Variants in BIRC6 observed in about 807,000 individuals in gnomAD.
BIRC6 encodes baculoviral IAP repeat containing 6, also known as dual E2 ubiquitin-conjugating enzyme/E3 ubiquitin-protein ligase BIRC6.
A neutral mutation model predicts 503.3 loss-of-function variants in BIRC6; 98 were observed. That is an observed-to-expected ratio of 0.19 (90% CI 0.17 to 0.23). The LOEUF is 0.23. Ranked by LOEUF, BIRC6 falls within the 10% of genes least tolerant of loss-of-function variation. The pLI, the probability that BIRC6 is intolerant of heterozygous loss-of-function variation, is 1.00. For missense variants in BIRC6, 5,360 were observed against 5,806.0 expected (o/e 0.92, Z 2.50); for synonymous variants, 2,240 against 2,078.7 (o/e 1.08, Z -2.11).
intron 53 of BIRC6, among the ~76,000 whole-genome samples, chr2:32,512,097 C>G (rs181957406): frequency 2.6e-5 from 4 of 152,234 alleles, no homozygotes; most frequent in African/African-American, 9.6e-5. Context: ...TTATATAAAA[C>G]TGACATTAAT....
At chr2:32,534,042 C>T (rs2056993294) in intron 61 of BIRC6, among the ~76,000 whole-genome samples, 1 of 152,026 alleles carries the variant, frequency 6.6e-6, no homozygotes, top group Admixed American at 6.6e-5. Context: ...ATTAAGGATA[C>T]TGTTAGGTGT....
chr2:32,464,880 A>G, intron 25 of BIRC6, 57 bp downstream of exon 25: 1 of 1,531,026 alleles, frequency 6.5e-7, no homozygotes, highest in Non-Finnish European at 8.8e-7. Context: ...CTTGAAATAT[A>G]CTCTAACTTT....
rs1002354452 is a variant in BIRC6, at chr2:32,617,837, A to G, written c.14507A>G (p.Glu4836Gly). 1.2e-6 allele frequency: 2 copies of G among 1,613,968 alleles called. No individual in the cohort carries two copies. The highest frequency in any genetic ancestry group is 2.2e-5 in the East Asian group (1 of 44,886). Reference sequence around the variant, plus strand: ...TGCAGAGCCACAACAGGTGCTGAGGAGACTCTAATGCATGATCAGGTTAAA... The same window carrying G: ...TGCAGAGCCACAACAGGTGCTGAGGGGACTCTAATGCATGATCAGGTTAAA... ...EVCRATTGAE[E>G]TLMHDQVKPS... Residue 4836 changes from glutamate (E) to glycine (G), a missense_variant, in exon 74 of 74, where the codon GAG becomes GGG. Coordinates refer to ENST00000421745, the MANE Select transcript of BIRC6 (RefSeq NM_016252.4).
At chr2:32,389,009 A>C in intron 4 of BIRC6, 66 bp downstream of exon 4, 8 of 1,057,356 alleles carry the variant, frequency 7.6e-6, no homozygotes, top group Non-Finnish European at 9.9e-6. Flanking sequence ...TAAACAAGGA[A>C]TAACTAGAAA....
chr2:32,435,326 A>C (rs1450442211), intron 13 of BIRC6, 170 bp from the exon 14 acceptor site: 1 of 299,168 alleles, frequency 3.3e-6, no homozygotes. Context: ...ATTTTCCTCC[A>C]ATCATTTTAT....
intron 73 of BIRC6, 55 bp from the exon 74 acceptor site, chr2:32,617,670 T>A (rs2063332115): frequency 1.3e-6 from 2 of 1,525,286 alleles, no homozygotes; most frequent in East Asian, 4.6e-5. Flanking sequence ...CTGCCTCAAA[T>A]GATGTTGTGC....
intron 66 of BIRC6, among the ~76,000 whole-genome samples, chr2:32,581,313 T>A (rs540439021): frequency 2.0e-5 from 3 of 152,184 alleles, no homozygotes; most frequent in East Asian, 1.9e-4. Context: ...AGAACTCATA[T>A]GATGGTGAGA....
chr2:32,401,042 C>T, intron 6 of BIRC6, 121 bp from the exon 7 acceptor site: 1 of 799,976 alleles, frequency 1.3e-6, no homozygotes, highest in Non-Finnish European at 2.0e-6. Flanking sequence ...TATATTAAGT[C>T]TTTAATGATG....
chr2:32,593,445 C>A (rs2061501311), intron 66 of BIRC6, among the ~76,000 whole-genome samples: 1 of 151,930 alleles, frequency 6.6e-6, no homozygotes, highest in Admixed American at 6.6e-5. Context: ...ATTAAAAGAT[C>A]CAATGTATAG....
At chr2:32,460,531 T>A (rs2047778852) in intron 23 of BIRC6, among the ~76,000 whole-genome samples, 1 of 151,412 alleles carries the variant, frequency 6.6e-6, no homozygotes, top group Non-Finnish European at 1.5e-5. Context: ...CCTGTCTTGG[T>A]CTCCCAAAGT....
At chr2:32,378,672 G>A (rs1436450370) in intron 2 of BIRC6, among the ~76,000 whole-genome samples, 2 of 151,992 alleles carry the variant, frequency 1.3e-5, no homozygotes, top group Non-Finnish European at 2.9e-5. Flanking sequence ...GGCCAGACTG[G>A]TCTTGAGCTC....
At chr2:32,521,766 C>CACCA (rs2055747763) in intron 57 of BIRC6, among the ~76,000 whole-genome samples, 1 of 151,976 alleles carries the variant, frequency 6.6e-6, no homozygotes, top group Admixed American at 6.6e-5. Context: ...AGGCATGAGC[C>CACCA]ACCACATCAG....
intron 63 of BIRC6, among the ~76,000 whole-genome samples, chr2:32,546,665 A>G (rs775145896): frequency 2.0e-5 from 3 of 152,218 alleles, no homozygotes; most frequent in African/African-American, 4.8e-5. Context: ...TATAAAAATT[A>G]GTTAATTTCT....
At chr2:32,548,365 C>CTTT (rs1202755440) in intron 64 of BIRC6, among the ~76,000 whole-genome samples, 201 of 73,344 alleles carry the variant, frequency 2.7e-3, no homozygotes, top group Non-Finnish European at 3.2e-3. Context: ...TGGTTGCTTA[C>CTTT]TTTTTTTTTT....
At chr2:32,483,744 A>G (rs542542911) in intron 39 of BIRC6, among the ~76,000 whole-genome samples, 45 of 152,270 alleles carry the variant, frequency 3.0e-4, no homozygotes, top group African/African-American at 9.1e-4. Context: ...TTTGTATGCT[A>G]TTTCCTTGTG....
chr2:32,602,961 A>G, intron 70 of BIRC6, 45 bp from the exon 71 acceptor site: 2 of 1,517,188 alleles, frequency 1.3e-6, no homozygotes, highest in South Asian at 1.2e-5. Flanking sequence ...GTTTGTTTTT[A>G]AGCACTCTTT....
In BIRC6 at chr2:32,467,566, T is replaced by C. The variant is rs748439499; in HGVS notation, c.5398T>C (p.Leu1800=). ...FVTLDFGRPI[L]LTDVLIPTCG... ...GACCTTGGATTTTGGGAGGCCTATA[T>C]TGTTGACTGATGTATTGATTCCCAC... is the stretch of plus-strand genomic sequence containing the variant. The change falls in exon 27 of 74, where the codon TTG becomes CTG. Residue 1800 remains leucine (L), a synonymous_variant. Coordinates refer to ENST00000421745, the MANE Select transcript of BIRC6 (RefSeq NM_016252.4). 2.7e-5 allele frequency: 43 copies of C among 1,613,860 alleles called. No homozygotes were observed. The highest frequency in any genetic ancestry group is 1.3e-4 in the Admixed American group (8 of 60,004).
chr2:32,430,805 C>A (rs367657542), intron 11 of BIRC6, 60 bp from the exon 12 acceptor site: 3 of 484,774 alleles, frequency 6.2e-6, no homozygotes, highest in East Asian at 4.0e-5. Flanking sequence ...TCATTGTCTT[C>A]TTTTTTTTTT....
At chr2:32,574,092 A>G (rs1458075779) in intron 65 of BIRC6, among the ~76,000 whole-genome samples, 1 of 151,418 alleles carries the variant, frequency 6.6e-6, no homozygotes, top group Non-Finnish European at 1.5e-5. Context: ...TATTAAGTTG[A>G]CCCTTGAATA....
Sources: gnomAD v4.1 joint callset for allele counts (sites outside exome capture counted in the v4.1 genomes callset) on GRCh38, gnomAD v4.1.1 for gene constraint, MANE v1.5 for transcripts, NCBI Gene and HGNC (gene_info 2026-07-23, HGNC 2026-07-21) for gene names.